Variants in APC observed in about 807,000 individuals in gnomAD.
The protein encoded by APC is APC regulator of Wnt signaling pathway, also known as adenomatous polyposis coli protein.
Under a neutral mutation model 247.0 loss-of-function variants are expected in APC, and 72 were observed. The ratio of observed to expected loss-of-function variants is 0.29; its 90% CI spans 0.24 to 0.35. The LOEUF (loss-of-function observed/expected upper bound fraction) is 0.35. Ranked by LOEUF, APC falls within the 10% of genes least tolerant of loss-of-function variation. The pLI is 1.00. For synonymous variants in APC, 1,254 were observed against 1,162.5 expected, an observed-to-expected ratio of 1.08 and a Z score of -1.60; for missense variants, 3,400 against 3,360.7, an observed-to-expected ratio of 1.01 and a Z score of -0.29.
chr5:112,724,676 A>T (rs554959773), intron 1 of APC, among the ~76,000 whole-genome samples: 1 of 152,142 alleles, frequency 6.6e-6, no homozygotes, highest in Non-Finnish European at 1.5e-5. Context: ...GGTCATCTAA[A>T]TTGGGTCCTG....
At chr5:112,735,485 T>C (rs1476853366), upstream of APC, among the ~76,000 whole-genome samples, 1 of 142,068 alleles carries the variant, frequency 7.0e-6, no homozygotes, top group East Asian at 2.1e-4. Context: ...GCCCAGAAAA[T>C]ATTTTTAATG....
At chr5:112,709,876 G>A (rs986697390) in intron 1 of APC, among the ~76,000 whole-genome samples, 1 of 152,180 alleles carries the variant, frequency 6.6e-6, no homozygotes, top group African/African-American at 2.4e-5. Context: ...TTGCACTCCA[G>A]TCTGGGTGAC....
chr5:112,806,623 A>T (rs1293644451), intron 8 of APC, among the ~76,000 whole-genome samples: 1 of 151,724 alleles, frequency 6.6e-6, no homozygotes, highest in Admixed American at 6.6e-5. Context: ...GTCACTGTAC[A>T]CCACTGCACA....
intron 1 of APC, among the ~76,000 whole-genome samples, chr5:112,729,359 A>C (rs1751974530): frequency 6.6e-6 from 1 of 152,242 alleles, no homozygotes; most frequent in South Asian, 2.1e-4. Flanking sequence ...ATGTGGTAGA[A>C]AGTGTGAGGA....
intron 11 of APC, among the ~76,000 whole-genome samples, chr5:112,825,177 T>C (rs1003359464): frequency 5.9e-5 from 9 of 152,308 alleles, no homozygotes; most frequent in Non-Finnish European, 1.2e-4. Flanking sequence ...CCCCTGCAAA[T>C]AGCAACTGAC....
At chr5:112,748,788 G>A (rs1240741110) in intron 1 of APC, among the ~76,000 whole-genome samples, 2 of 152,036 alleles carry the variant, frequency 1.3e-5, no homozygotes, top group Non-Finnish European at 2.9e-5. Context: ...ACTCCAGCCT[G>A]GGCAACAGAG....
At chr5:112,767,064 T>A (rs1756413729) in intron 3 of APC, 125 bp from the exon 4 acceptor site, 1 of 899,606 alleles carries the variant, frequency 1.1e-6, no homozygotes, top group Admixed American at 2.3e-5. Context: ...ATTTTTGTTT[T>A]CAGTCATGTA....
intron 6 of APC, among the ~76,000 whole-genome samples, chr5:112,789,158 C>G (rs1159942441): frequency 1.3e-5 from 2 of 152,178 alleles, no homozygotes; most frequent in Admixed American, 1.3e-4. Flanking sequence ...AAAGTCATAT[C>G]AAGTCCATAC....
Position 112,843,470 on chromosome 5 carries a change from ACTTCTCAGACCGTTTC to A in APC, c.7879_7894del (p.Ser2627GlnfsTer12), listed in dbSNP as rs1766588110. ...AAATGAATTTTCTCCCACAAATAGTACTTCTCAGACCGTTTCCTCAGGTGCTACAAATGGTGCTGAA... is the reference window on the plus strand; with the variant it reads ...AAATGAATTTTCTCCCACAAATAGTACTCAGGTGCTACAAATGGTGCTGAA... On this transcript the variant is annotated frameshift_variant, in exon 16 of 16. Coordinates refer to ENST00000257430, the MANE Select transcript of APC (RefSeq NM_000038.6). LOFTEE classifies it high-confidence loss of function. The surrounding 1 kb of genome is among the most constrained non-coding windows in gnomAD (Gnocchi z 4.8). 6.2e-7 allele frequency: 1 copy of A among 1,613,966 alleles called. No individual in the cohort carries two copies. The highest frequency in any genetic ancestry group is 8.5e-7 in the Non-Finnish European group (1 of 1,179,860).
chr5:112,758,920 T>G (rs189187442), intron 2 of APC, among the ~76,000 whole-genome samples: 2 of 152,122 alleles, frequency 1.3e-5, no homozygotes, highest in African/African-American at 2.4e-5. Context: ...AGCTCTTTAA[T>G]TGACTTTAAA....
At chr5:112,778,795 G>A (rs1011622696) in intron 5 of APC, among the ~76,000 whole-genome samples, 9 of 151,876 alleles carry the variant, frequency 5.9e-5, no homozygotes, top group African/African-American at 2.4e-5. Context: ...CACCCACCTT[G>A]GTCTCCCAAA....
chr5:112,825,730 G>A (rs1580557978), intron 11 of APC, among the ~76,000 whole-genome samples: 3 of 152,148 alleles, frequency 2.0e-5, no homozygotes, highest in Admixed American at 6.5e-5. Flanking sequence ...CATCCTTTAC[G>A]TTTCAACTTA....
At chr5:112,798,654 T>C (rs545896832) in intron 7 of APC, among the ~76,000 whole-genome samples, 49 of 152,336 alleles carry the variant, frequency 3.2e-4, no homozygotes, top group African/African-American at 1.2e-3. Flanking sequence ...AATTAATCTT[T>C]CATAATAGTG....
intron 1 of APC, among the ~76,000 whole-genome samples, chr5:112,729,238 C>G (rs1378504052): frequency 6.6e-6 from 1 of 152,108 alleles, no homozygotes; most frequent in Non-Finnish European, 1.5e-5. Context: ...TTCTTGTCTT[C>G]ATGGGATTTA....
chr5:112,769,339 C>G (rs932168990), intron 4 of APC, among the ~76,000 whole-genome samples: 8 of 152,138 alleles, frequency 5.3e-5, no homozygotes, highest in Non-Finnish European at 1.2e-4. Context: ...GCATGAGCCA[C>G]TGCGCCTGGC....
chr5:112,735,374 C>T (rs1001587694), upstream of APC, among the ~76,000 whole-genome samples: 7 of 151,966 alleles, frequency 4.6e-5, no homozygotes, highest in East Asian at 1.2e-3. Context: ...AATGAGGTTT[C>T]GCCATGTTGC....
At chr5:112,725,741 A>G (rs1488251812) in intron 1 of APC, among the ~76,000 whole-genome samples, 1 of 152,208 alleles carries the variant, frequency 6.6e-6, no homozygotes, top group Non-Finnish European at 1.5e-5. Flanking sequence ...AGCCTGGGCA[A>G]CAGTGAGACC....
At chr5:112,810,444 C>A in intron 8 of APC, 1 of 183,360 alleles carries the variant, frequency 5.5e-6, no homozygotes. Context: ...CAAAATGAGG[C>A]ATATCAAAAA....
At chr5:112,794,735 A>C (rs1371904375) in intron 7 of APC, among the ~76,000 whole-genome samples, 5 of 152,198 alleles carry the variant, frequency 3.3e-5, no homozygotes, top group Admixed American at 2.6e-4. Flanking sequence ...TGCCAGCCAC[A>C]AATGTTGAGT....
Sources: gnomAD v4.1 joint callset for allele counts (sites outside exome capture counted in the v4.1 genomes callset) on GRCh38, gnomAD v4.1.1 for gene constraint, Gnocchi (gnomAD v3.1) non-coding constraint, MANE v1.5 for transcripts, NCBI Gene and HGNC (gene_info 2026-07-23, HGNC 2026-07-21) for gene names.